PAGE2B: variants seen among roughly 807,000 people sequenced by gnomAD.
PAGE2B encodes the protein PAGE family member 2B.
PAGE2B carries 5 observed loss-of-function variants against 7.6 expected under a neutral mutation model. The observed-to-expected ratio is 0.66, with a 90% CI of 0.34 to 1.38. PAGE2B has a LOEUF of 1.38. Ranked by LOEUF, PAGE2B falls within the 40% of genes most tolerant of loss-of-function variation. The probability of loss-of-function intolerance (pLI) is 0.04; values close to 1 mark genes in which losing one functional copy is unlikely to be tolerated. For synonymous variants in PAGE2B, 29 were observed against 26.7 expected (o/e 1.09, Z -0.27); for missense variants, 70 against 78.4 (o/e 0.89, Z 0.41).
the PAGE2B span, among the ~76,000 whole-genome samples, chrX:55,039,223 T>A: frequency 9.0e-6 from 1 of 111,188 alleles, no homozygotes; most frequent in Non-Finnish European, 1.9e-5. Flanking sequence ...CCTGAGTGAT[T>A]TTCCCCCCCT....
At chrX:55,070,790 C>G (rs771398385), upstream of PAGE2B, among the ~76,000 whole-genome samples, 33 of 111,551 alleles carry the variant, frequency 3.0e-4, no homozygotes, top group Non-Finnish European at 4.3e-4. Context: ...TTATGTAATG[C>G]CCTTCTTTGT....
At chrX:55,032,618 C>A in the PAGE2B span, among the ~76,000 whole-genome samples, 7 of 111,411 alleles carry the variant, frequency 6.3e-5, no homozygotes, top group Non-Finnish European at 1.1e-4. Flanking sequence ...GTCATAGAAC[C>A]TACCCTATTG....
chrX:55,039,736 T>C, the PAGE2B span, among the ~76,000 whole-genome samples: 1 of 111,938 alleles, frequency 8.9e-6, no homozygotes, highest in Non-Finnish European at 1.9e-5. Flanking sequence ...TTGCAAATAC[T>C]GCTTTTCCAG....
chrX:55,057,705 A>T, the PAGE2B span, among the ~76,000 whole-genome samples: 4 of 112,099 alleles, frequency 3.6e-5, no homozygotes, highest in African/African-American at 1.3e-4. Context: ...CTAGAATTCC[A>T]CCTAAAAATC....
upstream of PAGE2B, among the ~76,000 whole-genome samples, chrX:55,070,862 C>A (rs774915603): frequency 9.0e-6 from 1 of 111,059 alleles, no homozygotes; most frequent in Non-Finnish European, 1.9e-5. Flanking sequence ...CAACCCCTGC[C>A]TTTTTTTGCT....
chrX:55,061,388 C>T, the PAGE2B span, among the ~76,000 whole-genome samples: 3 of 110,800 alleles, frequency 2.7e-5, no homozygotes, highest in African/African-American at 9.8e-5. Flanking sequence ...AATCCTCACC[C>T]TCCTCCTGCT....
chrX:55,036,484 T>A, the PAGE2B span, among the ~76,000 whole-genome samples: 2 of 111,417 alleles, frequency 1.8e-5, no homozygotes, highest in African/African-American at 6.6e-5. Context: ...CATCAATACC[T>A]AATTTATTGA....
the PAGE2B span, among the ~76,000 whole-genome samples, chrX:55,042,678 A>AAAAAAAAAAAAAAC: frequency 9.7e-6 from 1 of 103,349 alleles, no homozygotes; most frequent in Non-Finnish European, 2.0e-5. Flanking sequence ...AAAAAAAAAA[A>AAAAAAAAAAAAAAC]AAAAAAAAAG....
chrX:55,055,007 A>T, the PAGE2B span: 1 of 111,548 alleles, frequency 9.0e-6, no homozygotes, highest in Non-Finnish European at 1.9e-5. Context: ...AATAATGTAC[A>T]TAAAAACTGG....
chrX:55,053,471 C>A, the PAGE2B span, among the ~76,000 whole-genome samples: 1 of 111,996 alleles, frequency 8.9e-6, no homozygotes, highest in South Asian at 3.7e-4. Context: ...CCATGGCACC[C>A]ATTTACCTAT....
the PAGE2B span, among the ~76,000 whole-genome samples, chrX:55,064,419 T>G: frequency 8.9e-6 from 1 of 111,812 alleles, no homozygotes; most frequent in South Asian, 3.7e-4. Context: ...GTCTCTGATT[T>G]TACTTATTTG....
At chrX:55,047,430 C>G in the PAGE2B span, among the ~76,000 whole-genome samples, 1 of 111,514 alleles carries the variant, frequency 9.0e-6, no homozygotes, top group Non-Finnish European at 1.9e-5. Flanking sequence ...TGGGTATATA[C>G]CCAGTAATGG....
chrX:55,076,915 C>T (rs1402012833), intron 3 of PAGE2B, among the ~76,000 whole-genome samples: 9 of 111,523 alleles, frequency 8.1e-5, no homozygotes, highest in Non-Finnish European at 1.5e-4. Flanking sequence ...AAACCTTTTT[C>T]CAGAGCTCCT....
chrX:55,044,453 G>C, the PAGE2B span, among the ~76,000 whole-genome samples: 12 of 111,532 alleles, frequency 1.1e-4, no homozygotes, highest in Non-Finnish European at 1.1e-4. Flanking sequence ...TGGGGACTTG[G>C]GGGGAAGGGT....
At chrX:55,058,503 T>A in the PAGE2B span, among the ~76,000 whole-genome samples, 1 of 111,832 alleles carries the variant, frequency 8.9e-6, no homozygotes, top group South Asian at 3.7e-4. Flanking sequence ...CCTGCCATTT[T>A]TTAAATTGTA....
At chrX:55,069,878 C>T in the PAGE2B span, among the ~76,000 whole-genome samples, 7,707 of 111,326 alleles carry the variant, frequency 0.069, 615 homozygotes, top group African/African-American at 0.23. Context: ...TCTGTGGGAT[C>T]GGTGGTGATA....
At chrX:55,041,440 A>T in the PAGE2B span, among the ~76,000 whole-genome samples, 2 of 111,467 alleles carry the variant, frequency 1.8e-5, no homozygotes, top group African/African-American at 6.5e-5. Context: ...ATAATTTCCA[A>T]TTTTTTCCTA....
the PAGE2B span, among the ~76,000 whole-genome samples, chrX:55,046,282 T>C: frequency 5.4e-5 from 6 of 110,343 alleles, no homozygotes; most frequent in East Asian, 1.4e-3. Context: ...CCCAGCTAAA[T>C]TTTATATTTT....
the PAGE2B span, among the ~76,000 whole-genome samples, chrX:55,066,251 C>T: frequency 9.0e-6 from 1 of 111,400 alleles, no homozygotes; most frequent in African/African-American, 3.3e-5. Context: ...CCATCACGTG[C>T]AGCTAATTTT....
Sources: gnomAD v4.1 joint callset for allele counts (sites outside exome capture counted in the v4.1 genomes callset) on GRCh38, gnomAD v4.1.1 for gene constraint, MANE v1.5 for transcripts, NCBI Gene and HGNC (gene_info 2026-07-23, HGNC 2026-07-21) for gene names.